Variants in ARFGAP3 observed in about 807,000 individuals in gnomAD.
ARFGAP3 encodes ADP-ribosylation factor GTPase-activating protein 3.
A neutral mutation model predicts 75.0 loss-of-function variants in ARFGAP3; 72 were observed. The observed-to-expected ratio is 0.96, with a 90% CI of 0.79 to 1.17. The LOEUF (loss-of-function observed/expected upper bound fraction) is 1.17, where lower values mean the gene tolerates loss of function less well. Among genes scored for constraint, ARFGAP3 ranks in the 50% most tolerant of loss-of-function variants. ARFGAP3 has a pLI of 0.00. For synonymous variants in ARFGAP3, 221 were observed against 217.9 expected (o/e 1.01, Z -0.13); for missense variants, 620 against 626.6 (o/e 0.99, Z 0.11).
At chr22:42,806,115 C>T (rs960648053) in intron 14 of ARFGAP3, among the ~76,000 whole-genome samples, 5 of 152,234 alleles carry the variant, frequency 3.3e-5, no homozygotes, top group Non-Finnish European at 7.3e-5. Context: ...CCACAGCCAG[C>T]TCCTCTAGGC....
chr22:42,806,278 C>T (rs934226998), intron 14 of ARFGAP3, among the ~76,000 whole-genome samples: 15 of 152,046 alleles, frequency 9.9e-5, no homozygotes, highest in African/African-American at 3.4e-4. Context: ...CCCACTGTGG[C>T]CTGGCAGAGG....
In ARFGAP3 at chr22:42,830,959, AT is replaced by A. The variant is rs557820441; in HGVS notation, c.565+589del. Among the ~76,000 whole-genome samples the A allele has an allele frequency of 1.1e-3, 161 of 152,114 alleles. 1 individual carries two copies. The highest frequency in any genetic ancestry group is 3.8e-3 in the African/African-American group (158 of 41,502). ...ATTATTATATTCCATGTTCAGTAAT[AT>A]TTTTCCCCCACTTTATAGTCTATTA... On this transcript the variant is annotated intron_variant, in intron 6 of 15. Coordinates refer to ENST00000263245, the MANE Select transcript of ARFGAP3 (RefSeq NM_014570.5).
In ARFGAP3 at chr22:42,834,224, G is replaced by A. The variant is rs200536944; in HGVS notation, c.477+18C>T. ...CAGAGTAAGCACACTTTAAAATGAT[G>A]TGAAGCATAATACATACCTCAGGAG... On this transcript the variant is annotated intron_variant, in intron 5 of 15. Transcript: ENST00000263245. 1 of 1,607,602 alleles carries A rather than the reference G, an allele frequency of 6.2e-7. No individual in the cohort carries two copies. Among genetic ancestry groups the A allele is most frequent in the African/African-American group, 1.4e-5 (1 of 73,990 alleles).
intron 5 of ARFGAP3, among the ~76,000 whole-genome samples, chr22:42,832,829 T>C (rs555624718): frequency 7.3e-5 from 11 of 151,452 alleles, no homozygotes; most frequent in Non-Finnish European, 1.5e-4. Context: ...CCACTAAAAA[T>C]ACAAAATTAG....
rs141521775 is a variant in ARFGAP3, at chr22:42,797,125, G to A, written c.*463C>T. On this transcript the variant is annotated 3_prime_UTR_variant, in exon 16 of 16. Coordinates refer to ENST00000263245, the MANE Select transcript of ARFGAP3 (RefSeq NM_014570.5). ...ATAAATGAAGCAATCTGTCACACGA[G>A]ACACCAGTCACTTTTGGTCTTTTGA... 9.5e-4 allele frequency: 149 copies of A among 156,046 alleles called. 1 individual carries two copies. Among genetic ancestry groups the A allele is most frequent in the Non-Finnish European group, 1.5e-3 (104 of 70,826 alleles). The allele number at this position is 156,046 out of a possible 1,614,324, so 9.7% of individuals were successfully genotyped here.
intron 6 of ARFGAP3, chr22:42,827,232 T>G (rs974344862): frequency 3.6e-6 from 1 of 278,670 alleles, no homozygotes; most frequent in African/African-American, 2.3e-5. Context: ...ATGTTAGTGG[T>G]CTCTTCAACT....
chr22:42,850,351 C>G (rs1037996361), intron 1 of ARFGAP3, among the ~76,000 whole-genome samples: 7 of 151,812 alleles, frequency 4.6e-5, no homozygotes, highest in Non-Finnish European at 1.0e-4. Flanking sequence ...GCAGGTAGAT[C>G]GCTTGAGCTC....
intron 11 of ARFGAP3, among the ~76,000 whole-genome samples, chr22:42,815,255 T>A (rs1183288820): frequency 6.6e-6 from 1 of 152,210 alleles, no homozygotes; most frequent in Non-Finnish European, 1.5e-5. Context: ...TTTTACTCTG[T>A]GTAAAATCTA....
intron 11 of ARFGAP3, 50 bp from the exon 12 acceptor site, chr22:42,810,994 C>A: frequency 6.3e-7 from 1 of 1,592,008 alleles, no homozygotes; most frequent in South Asian, 1.1e-5. Context: ...TGTTGACACT[C>A]GTCCTGGGCT....
chr22:42,838,290 A>ATATAT lies in ARFGAP3; in HGVS notation c.261+2653_261+2654insATATA, dbSNP rs1555899059. On this transcript the variant is annotated intron_variant, in intron 3 of 15. Transcript: ENST00000263245. ...TACACACACACATATATATATATAT[A>ATATAT]TTTTTTTTTTCTTTTTTTTTTTTCT... 6.2e-3 allele frequency among the ~76,000 whole-genome samples: 848 copies of ATATAT among 137,172 alleles called. 14 individuals are homozygous for ATATAT. Among genetic ancestry groups the ATATAT allele is most frequent in the African/African-American group, 0.02 (748 of 36,684 alleles). 90.0% of individuals were successfully genotyped at this position (137,172 alleles called of 152,430 possible).
rs1347821849 is a variant in ARFGAP3, at chr22:42,847,576, C to A, written c.126G>T (p.Val42=). 2.5e-6 allele frequency: 4 copies of A among 1,613,860 alleles called. No individual in the cohort carries two copies. Among genetic ancestry groups the A allele is most frequent in the East Asian group, 2.2e-5 (1 of 44,880 alleles). The change falls in exon 2 of 16, where the codon GTG becomes GTT. Residue 42 remains valine (V), a synonymous_variant. Transcript: ENST00000263245. ...NPSWASITYG[V]FLCIDCSGSH... is the part of the protein sequence containing the mutation. ...ACCCTGAGCAATCAATGCAAAGGAA[C>A]ACTCCATAGGTTATGCTTGCCCAGC...
intron 3 of ARFGAP3, among the ~76,000 whole-genome samples, chr22:42,840,354 C>G (rs1270994778): frequency 6.6e-6 from 1 of 152,176 alleles, no homozygotes; most frequent in Non-Finnish European, 1.5e-5. Flanking sequence ...CTCCAAAACC[C>G]ATCAGGCTCT....
chr22:42,852,313 C>T (rs1927311909), intron 1 of ARFGAP3, among the ~76,000 whole-genome samples: 1 of 151,942 alleles, frequency 6.6e-6, no homozygotes, highest in African/African-American at 2.4e-5. Context: ...TCTGCCTCGG[C>T]CTCCCAAAGT....
At chr22:42,848,812 G>A (rs904390361) in intron 1 of ARFGAP3, among the ~76,000 whole-genome samples, 6 of 152,180 alleles carry the variant, frequency 3.9e-5, no homozygotes, top group Admixed American at 6.5e-5. Context: ...TTTGCATCCC[G>A]TGTAATCTCC....
rs150997642 is a variant in ARFGAP3, at chr22:42,826,983, T to C, written c.582A>G (p.Gly194=). 20 of 1,613,462 alleles carry C rather than the reference T, an allele frequency of 1.2e-5. No homozygotes were observed. The African/African-American group carries it at 2.3e-4, about 18-fold the overall frequency. The part of the protein sequence containing the change: ...LENNEGGQEQ[G]PSVEGLNVPT... ...GTACATTAAGACCTTCCACACTTGG[T>C]CCTTGCTCTTGTCCACCTGAAAATT... Residue 194 remains glycine (G), a synonymous_variant, in exon 7 of 16, where the codon GGA becomes GGG. Coordinates refer to ENST00000263245, the MANE Select transcript of ARFGAP3 (RefSeq NM_014570.5).
chr22:42,849,480 C>T (rs55639219), intron 1 of ARFGAP3, among the ~76,000 whole-genome samples: 4 of 147,066 alleles, frequency 2.7e-5, no homozygotes, highest in East Asian at 2.0e-4. Context: ...GGCTTTTTTT[C>T]TTTTTTTTTT....
chr22:42,809,151 C>T (rs1925254507), intron 12 of ARFGAP3, among the ~76,000 whole-genome samples: 1 of 152,116 alleles, frequency 6.6e-6, no homozygotes, highest in African/African-American at 2.4e-5. Context: ...TTCAGATCAA[C>T]TGGGTAAACA....
chr22:42,831,796 T>G, intron 5 of ARFGAP3, 160 bp from the exon 6 acceptor site: 1 of 1,411,412 alleles, frequency 7.1e-7, no homozygotes, highest in East Asian at 2.6e-5. Context: ...TTTCTTTTTT[T>G]TTTAGAAACA....
intron 11 of ARFGAP3, among the ~76,000 whole-genome samples, chr22:42,812,799 T>C (rs868604858): frequency 6.6e-6 from 1 of 152,164 alleles, no homozygotes; most frequent in Non-Finnish European, 1.5e-5. Flanking sequence ...TAAGAACAAA[T>C]CTCATGACAC....
Sources: allele counts gnomAD v4.1 joint callset (sites outside exome capture counted in the v4.1 genomes callset), GRCh38; gene constraint gnomAD v4.1.1; transcripts MANE v1.5; gene names NCBI Gene and HGNC (gene_info 2026-07-23, HGNC 2026-07-21).